Variants in PJA2 observed in about 807,000 individuals in gnomAD.
PJA2 encodes the protein praja ring finger ubiquitin ligase 2, also known as E3 ubiquitin-protein ligase Praja-2.
A neutral mutation model predicts 69.3 loss-of-function variants in PJA2; 25 were observed. The ratio of observed to expected loss-of-function variants is 0.36; its 90% confidence interval spans 0.26 to 0.50. The LOEUF (loss-of-function observed/expected upper bound fraction) is 0.50. Ranked by LOEUF, PJA2 falls within the 20% of genes least tolerant of loss-of-function variation. The probability of loss-of-function intolerance (pLI) is 0.96; values close to 1 mark genes in which losing one functional copy is unlikely to be tolerated. For synonymous variants in PJA2, 308 were observed against 277.8 expected (o/e 1.11, Z -1.08); for missense variants, 809 against 830.2 (o/e 0.97, Z 0.31).
In PJA2 at chr5:109,344,808, G is replaced by T; in HGVS notation, c.1776C>A (p.Ala592=). Residue 592 remains alanine (A), a synonymous_variant, in exon 8 of 10, where the codon GCC becomes GCA. Coordinates refer to ENST00000361189, the MANE Select transcript of PJA2 (RefSeq NM_014819.5). The part of the protein sequence containing the change: ...RLAQAMETAL[A]HLESLAVDVE... ...CATCCACTGCAAGAGACTCTAAATGGGCCAGAGCAGTCTGAAAAACAAAAG... is the reference window on the plus strand; with the variant it reads ...CATCCACTGCAAGAGACTCTAAATGTGCCAGAGCAGTCTGAAAAACAAAAG... 2 of 1,608,992 alleles carry T rather than the reference G, an allele frequency of 1.2e-6. No homozygotes were observed. The highest frequency in any genetic ancestry group is 1.1e-5 in the South Asian group (1 of 90,054).
Position 109,397,275 on chromosome 5 carries a change from T to C in PJA2, c.-88+12567A>G, listed in dbSNP as rs573064926. Among the ~76,000 whole-genome samples, 5 of 152,324 alleles carry C rather than the reference T, an allele frequency of 3.3e-5. No homozygotes were observed. The East Asian group carries it at 5.8e-4, about 18-fold the overall frequency. ...TTACCCAGTCTTAGGTATTTTGTTA[T>C]AGCAGCAGGAACAGATTAAGACAGA... On this transcript the variant is annotated intron_variant, in intron 1 of 9. Transcript: ENST00000361189.
intron 7 of PJA2, among the ~76,000 whole-genome samples, chr5:109,353,604 CATAGACATCTATATATTAGATACCTAT>C (rs1762322977): frequency 7.2e-6 from 1 of 137,958 alleles, no homozygotes; most frequent in Non-Finnish European, 1.6e-5. Flanking sequence ...TCTATAATAT[CATAGACATCTATATATTAGATACCTAT>C]ATCATAGATA....
intron 1 of PJA2, among the ~76,000 whole-genome samples, chr5:109,385,743 CAG>C (rs1747142418): frequency 6.6e-6 from 1 of 152,116 alleles, no homozygotes; most frequent in Admixed American, 6.5e-5. Context: ...GAAAAAGAAG[CAG>C]AGATTGAGTA....
At chr5:109,399,365 C>A (rs2127017274) in intron 1 of PJA2, among the ~76,000 whole-genome samples, 1 of 152,204 alleles carries the variant, frequency 6.6e-6, no homozygotes, top group South Asian at 2.1e-4. Context: ...CATCTCCAGG[C>A]TAGTCAGCAT....
chr5:109,360,494 G>C (rs1426347631), intron 6 of PJA2, among the ~76,000 whole-genome samples: 1 of 152,072 alleles, frequency 6.6e-6, no homozygotes, highest in Non-Finnish European at 1.5e-5. Flanking sequence ...TGACTTTAGA[G>C]ACAAGAACTG....
At chr5:109,376,259 A>C (rs1303744403) in intron 4 of PJA2, among the ~76,000 whole-genome samples, 1 of 75,860 alleles carries the variant, frequency 1.3e-5, no homozygotes, top group South Asian at 2.6e-4. Context: ...TTGTTTGTAA[A>C]AAAAAAAAAA....
chr5:109,355,895 G>A lies in PJA2; in HGVS notation c.1764+20C>T, dbSNP rs750683520. On this transcript the variant is annotated intron_variant, in intron 7 of 9. Coordinates refer to ENST00000361189, the MANE Select transcript of PJA2 (RefSeq NM_014819.5). ...TGTATCCCATCAACTTATATATGGA[G>A]ATCAGAGTTATGAACATACCTCCAT... 1.4e-5 allele frequency: 21 copies of A among 1,532,554 alleles called. No individual in the cohort carries two copies. Among genetic ancestry groups the A allele is most frequent in the Non-Finnish European group, 1.8e-5 (20 of 1,111,206 alleles). 94.9% of individuals were successfully genotyped at this position (1,532,554 alleles called of 1,614,324 possible).
intron 4 of PJA2, among the ~76,000 whole-genome samples, chr5:109,372,774 G>A (rs772873598): frequency 2.0e-4 from 31 of 151,544 alleles, no homozygotes; most frequent in Non-Finnish European, 4.0e-4. Context: ...GTGTGGTGGC[G>A]CATGCCTGTA....
chr5:109,335,808 C>G lies in PJA2; in HGVS notation c.*1423G>C, dbSNP rs1038520863. On this transcript the variant is annotated 3_prime_UTR_variant, in exon 10 of 10. Coordinates refer to ENST00000361189, the MANE Select transcript of PJA2 (RefSeq NM_014819.5). ...GTAAGCATTTCCCAAGTCACAGAAGCCCCAAAGAACTCCTAAATTACAAAT... is the reference window on the plus strand; with the variant it reads ...GTAAGCATTTCCCAAGTCACAGAAGGCCCAAAGAACTCCTAAATTACAAAT... 1 of 152,520 alleles carries G rather than the reference C, an allele frequency of 6.6e-6. No individual in the cohort carries two copies. Among genetic ancestry groups the G allele is most frequent in the Admixed American group, 6.6e-5 (1 of 15,258 alleles). 9.4% of individuals were successfully genotyped at this position (152,520 alleles called of 1,614,324 possible).
chr5:109,340,036 C>T (rs400277), intron 9 of PJA2, among the ~76,000 whole-genome samples: 71,914 of 152,018 alleles, frequency 0.47, 18,672 homozygotes, highest in East Asian at 0.95. Flanking sequence ...ACTTGAGACA[C>T]ACATTATCTC....
intron 5 of PJA2, among the ~76,000 whole-genome samples, chr5:109,364,272 C>A (rs918381760): frequency 3.9e-5 from 6 of 152,152 alleles, no homozygotes. Flanking sequence ...TGTGTATATG[C>A]ACCCCCCACC....
At chr5:109,347,887 TC>T (rs1439042618) in intron 7 of PJA2, among the ~76,000 whole-genome samples, 2 of 152,224 alleles carry the variant, frequency 1.3e-5, no homozygotes, top group Admixed American at 1.3e-4. Flanking sequence ...TTTTCCCTGT[TC>T]AAATTACTGT....
At chr5:109,388,197 C>T (rs558763963) in intron 1 of PJA2, among the ~76,000 whole-genome samples, 1 of 151,902 alleles carries the variant, frequency 6.6e-6, no homozygotes, top group South Asian at 2.1e-4. Context: ...TGATATCACT[C>T]AAGTAGACCC....
Position 109,365,663 on chromosome 5 carries a change from T to C in PJA2, c.1470-2641A>G, listed in dbSNP as rs115649371. On this transcript the variant is annotated intron_variant, in intron 5 of 9. Coordinates refer to ENST00000361189, the MANE Select transcript of PJA2 (RefSeq NM_014819.5). ...AAATAGCTACCCAAGCAATAAACTG[T>C]TAGCAATTCATTAAATATTTCCAAA... 8.5e-3 allele frequency among the ~76,000 whole-genome samples: 1,289 copies of C among 152,280 alleles called. 22 individuals are homozygous for C. The highest frequency in any genetic ancestry group is 0.029 in the African/African-American group (1,201 of 41,562).
chr5:109,353,006 AGATACCTATATCTATAGATATCTATATAT>A (rs1762286519), intron 7 of PJA2, among the ~76,000 whole-genome samples: 2 of 134,886 alleles, frequency 1.5e-5, no homozygotes, highest in African/African-American at 5.6e-5. Flanking sequence ...TCTATATATT[AGATACCTATATCTATAGATATCTATATAT>A]TAGATACCTA....
chr5:109,360,313 C>A (rs1208488033), intron 6 of PJA2, among the ~76,000 whole-genome samples: 1 of 152,164 alleles, frequency 6.6e-6, no homozygotes, highest in African/African-American at 2.4e-5. Flanking sequence ...TCCTACCACA[C>A]CAAGCTATCA....
At chr5:109,395,572 A>G (rs1208942616) in intron 1 of PJA2, among the ~76,000 whole-genome samples, 6 of 152,214 alleles carry the variant, frequency 3.9e-5, no homozygotes, top group Admixed American at 3.3e-4. Flanking sequence ...CAATAGGCCC[A>G]CAGGTCTTAA....
In PJA2 at chr5:109,348,820, T is replaced by C. The variant is rs571608601; in HGVS notation, c.1765-4001A>G. Among the ~76,000 whole-genome samples the C allele has an allele frequency of 3.3e-5, 5 of 152,256 alleles. No individual in the cohort carries two copies. In the South Asian group the frequency reaches 6.2e-4, roughly 19 times the overall value. On this transcript the variant is annotated intron_variant, in intron 7 of 9. Coordinates refer to ENST00000361189, the MANE Select transcript of PJA2 (RefSeq NM_014819.5). Reference sequence around the variant, plus strand: ...GAAAGAAGTTATAGCTATCATTCAGTCTCATGAGCAAATACAGAACAAGGA... The same window carrying C: ...GAAAGAAGTTATAGCTATCATTCAGCCTCATGAGCAAATACAGAACAAGGA...
chr5:109,344,922 T>C, intron 7 of PJA2, 103 bp from the exon 8 acceptor site: 1 of 701,618 alleles, frequency 1.4e-6, no homozygotes, highest in South Asian at 2.4e-5. Flanking sequence ...TATTCTCTTT[T>C]TGTTAGTTTC....
Sources: gnomAD v4.1 joint callset for allele counts (sites outside exome capture counted in the v4.1 genomes callset) on GRCh38, gnomAD v4.1.1 for gene constraint, MANE v1.5 for transcripts, NCBI Gene and HGNC (gene_info 2026-07-23, HGNC 2026-07-21) for gene names.